FXYD5: variants seen among roughly 807,000 people sequenced by gnomAD.
FXYD5 encodes the protein FXYD domain-containing ion transport regulator 5.
FXYD5 carries 21 observed loss-of-function variants against 25.7 expected under a neutral mutation model. That is an observed-to-expected ratio of 0.82 (90% CI 0.58 to 1.18). FXYD5 has a LOEUF of 1.18. Ranked by LOEUF, FXYD5 falls within the 50% of genes most tolerant of loss-of-function variation. The probability of loss-of-function intolerance (pLI) is 0.00; values close to 1 mark genes in which losing one functional copy is unlikely to be tolerated. For synonymous variants in FXYD5, 101 were observed against 90.7 expected, an observed-to-expected ratio of 1.11 and a Z score of -0.64; for missense variants, 229 against 227.7, an observed-to-expected ratio of 1.01 and a Z score of -0.04.
intron 6 of FXYD5, among the ~76,000 whole-genome samples, chr19:35,164,937 G>T (rs549279950): frequency 6.6e-6 from 1 of 152,336 alleles, no homozygotes; most frequent in East Asian, 1.9e-4. Context: ...AGTGACTGGG[G>T]AGTACAGGTT....
chr19:35,157,619 T>C (rs764622823), intron 3 of FXYD5, 118 bp downstream of exon 3: 48 of 619,110 alleles, frequency 7.8e-5, no homozygotes, highest in Non-Finnish European at 1.4e-4. Flanking sequence ...AAAGTCCAGG[T>C]ACAGACCTTC....
intron 1 of FXYD5, chr19:35,155,245 G>A (rs2065341947): frequency 2.2e-6 from 1 of 463,698 alleles, no homozygotes; most frequent in South Asian, 2.5e-5. Flanking sequence ...CCTGGCGGAA[G>A]GCGCAGGGAG....
intron 8 of FXYD5, 46 bp downstream of exon 8, chr19:35,166,371 G>A: frequency 8.0e-7 from 1 of 1,254,192 alleles, no homozygotes; most frequent in Non-Finnish European, 1.1e-6. Context: ...CCAGGAGGGG[G>A]ACTTATGACG....
Position 35,169,599 on chromosome 19 carries a change from G to A in FXYD5, c.521G>A (p.Arg174Gln), listed in dbSNP as rs771892458. ...GKCRQLSRLC[R>Q]NRCR is the part of the protein sequence containing the mutation. The stretch of plus-strand genomic sequence containing the variant: ...TGCAGGCAGCTGTCCCGGTTATGCC[G>A]GAATCGTTGCAGGTGAGTCCATCAG... Residue 174 changes from arginine to glutamine, a missense_variant, in exon 9 of 9, where the codon CGG (arginine) becomes CAG (glutamine). By Grantham distance (43) the Arg-to-Gln change is conservative. Transcript: ENST00000392219. The A allele has an allele frequency of 9.9e-6, 16 of 1,611,068 alleles. No individual in the cohort carries two copies. The highest frequency in any genetic ancestry group is 6.7e-5 in the Admixed American group (4 of 60,024).
rs1036668601 is a variant in FXYD5, at chr19:35,160,597, C to T, written c.200-112C>T. The T allele has an allele frequency of 6.9e-6, 5 of 725,028 alleles. No individual in the cohort carries two copies. In the African/African-American group the frequency reaches 7.0e-5, roughly 10 times the overall value. 44.9% of individuals were successfully genotyped at this position (725,028 alleles called of 1,614,324 possible). ...CCGACCTAAGGTAATCTGCCCGCCT[C>T]GGCCTCCCAAAGTGCTGGGAATACA... On this transcript the variant is annotated intron_variant, in intron 4 of 8. Transcript: ENST00000392219.
intron 6 of FXYD5, among the ~76,000 whole-genome samples, chr19:35,164,569 G>A (rs56347218): frequency 0.038 from 5,823 of 152,254 alleles, 144 homozygotes; most frequent in East Asian, 0.069. Flanking sequence ...TTACTCATGC[G>A]TCTGAGGTCA....
intron 3 of FXYD5, 192 bp downstream of exon 3, chr19:35,157,693 G>A (rs1275373105): frequency 2.8e-5 from 13 of 465,828 alleles, no homozygotes; most frequent in Non-Finnish European, 5.1e-5. Flanking sequence ...TCTTGGTTCT[G>A]TTTTCTCTGT....
At chr19:35,164,866 A>T (rs1305737541) in intron 6 of FXYD5, among the ~76,000 whole-genome samples, 1 of 152,218 alleles carries the variant, frequency 6.6e-6, no homozygotes, top group Middle Eastern at 3.2e-3. Context: ...ACAAGAAATA[A>T]TCATAATTAT....
At chr19:35,165,030 C>T (rs1304019577) in intron 6 of FXYD5, among the ~76,000 whole-genome samples, 1 of 152,152 alleles carries the variant, frequency 6.6e-6, no homozygotes, top group Non-Finnish European at 1.5e-5. Flanking sequence ...CTTACCAGTT[C>T]AACTTTCCTG....
At chr19:35,155,216 T>G in intron 1 of FXYD5, 1 of 400,908 alleles carries the variant, frequency 2.5e-6, no homozygotes, top group East Asian at 5.2e-5. Flanking sequence ...CTTGCGTCAG[T>G]CCCAGTGAGG....
Position 35,169,783 on chromosome 19 carries a change from C to A in FXYD5, c.*168C>A, listed in dbSNP as rs2065482891. The A allele has an allele frequency of 3.3e-6, 2 of 614,628 alleles. No homozygotes were observed. Among genetic ancestry groups the A allele is most frequent in the East Asian group, 5.5e-5 (2 of 36,116 alleles). The allele number at this position is 614,628 out of a possible 1,614,324, so 38.1% of individuals were successfully genotyped here. ...TGCCGGTCCGAGTCTCCTACCTCCC[C>A]CAACCCTGCCCGCCCCTGAAGGCTA... On this transcript the variant is annotated 3_prime_UTR_variant, in exon 9 of 9. Transcript: ENST00000392219.
Position 35,166,246 on chromosome 19 carries a change from T to G in FXYD5, c.413-5T>G, listed in dbSNP as rs1455951196. 6.2e-7 allele frequency: 1 copy of G among 1,612,764 alleles called. No individual in the cohort carries two copies. ...GACTCTACCCCTTCATTTTTCTCTC[T>G]GCAGATGAACACACCCTCCGGAAAC... On this transcript the variant is annotated splice_region_variant and splice_polypyrimidine_tract_variant and intron_variant, in intron 7 of 8. Coordinates refer to ENST00000392219, the MANE Select transcript of FXYD5 (RefSeq NM_014164.6).
intron 5 of FXYD5, among the ~76,000 whole-genome samples, chr19:35,163,705 C>T (rs1302200397): frequency 6.6e-6 from 1 of 152,082 alleles, no homozygotes; most frequent in Non-Finnish European, 1.5e-5. Context: ...TGGTCTTGAG[C>T]TCTTGGCTTC....
chr19:35,158,137 G>A (rs2065373437), intron 3 of FXYD5, among the ~76,000 whole-genome samples: 1 of 152,218 alleles, frequency 6.6e-6, no homozygotes, highest in Non-Finnish European at 1.5e-5. Flanking sequence ...GAGCTGTAGT[G>A]TGGCATCTGT....
At chr19:35,167,685 A>G (rs1206199330) in intron 8 of FXYD5, among the ~76,000 whole-genome samples, 2 of 152,262 alleles carry the variant, frequency 1.3e-5, no homozygotes, top group Non-Finnish European at 2.9e-5. Flanking sequence ...GAAAATGAGC[A>G]TAGCCACATC....
chr19:35,156,471 A>G (rs1329916660), intron 2 of FXYD5, among the ~76,000 whole-genome samples: 5 of 152,204 alleles, frequency 3.3e-5, no homozygotes, highest in Non-Finnish European at 5.9e-5. Context: ...AGGAGGTGAT[A>G]CGTGCTTGCA....
At chr19:35,157,727 T>C (rs902671550) in intron 3 of FXYD5, 2 of 408,532 alleles carry the variant, frequency 4.9e-6, no homozygotes, top group Admixed American at 7.8e-5. Flanking sequence ...TCAGGAAGAG[T>C]CTCCTCTCAT....
chr19:35,158,052 A>T (rs985215307), intron 3 of FXYD5, among the ~76,000 whole-genome samples: 1 of 152,162 alleles, frequency 6.6e-6, no homozygotes, highest in Non-Finnish European at 1.5e-5. Flanking sequence ...TGGGAAGCTG[A>T]GTTAAACATG....
At chr19:35,163,336 T>C (rs1262367165) in intron 5 of FXYD5, among the ~76,000 whole-genome samples, 1 of 151,934 alleles carries the variant, frequency 6.6e-6, no homozygotes, top group Admixed American at 6.6e-5. Flanking sequence ...TGGCTTCTTG[T>C]TGAGGCCTCC....
Sources: allele counts gnomAD v4.1 joint callset (sites outside exome capture counted in the v4.1 genomes callset), GRCh38; gene constraint gnomAD v4.1.1; transcripts MANE v1.5; gene names NCBI Gene and HGNC (gene_info 2026-07-23, HGNC 2026-07-21).